Variants in CBX1 observed in about 807,000 individuals in gnomAD.
The protein encoded by CBX1 is chromobox 1.
Under a neutral mutation model 25.1 loss-of-function variants are expected in CBX1, and 10 were observed. The ratio of observed to expected loss-of-function variants is 0.40; its 90% CI spans 0.25 to 0.68. The LOEUF (loss-of-function observed/expected upper bound fraction) is 0.68. CBX1 is among the 30% of genes least tolerant of loss of function. CBX1 has a pLI of 0.40. For missense variants in CBX1, 106 were observed against 218.5 expected (o/e 0.49, Z 3.25); for synonymous variants, 63 against 79.4 (o/e 0.79, Z 1.10).
chr17:48,089,778 G>A lies in CBX1; in HGVS notation c.-38+11490C>T, dbSNP rs1318113211. Reference sequence around the variant, plus strand: ...GTGGAGGTTGTAGTGGGCCGAGATCGTGTCACTGCACTCTAGCCTGGGCAA... The same window carrying A: ...GTGGAGGTTGTAGTGGGCCGAGATCATGTCACTGCACTCTAGCCTGGGCAA... On this transcript the variant is annotated intron_variant, in intron 1 of 4. Coordinates refer to ENST00000225603, the MANE Select transcript of CBX1 (RefSeq NM_001127228.2). Among the ~76,000 whole-genome samples, 3 of 150,646 alleles carry A rather than the reference G, an allele frequency of 2.0e-5. No individual in the cohort carries two copies. In the East Asian group the frequency reaches 6.2e-4, roughly 31 times the overall value.
intron 1 of CBX1, among the ~76,000 whole-genome samples, chr17:48,082,229 G>C (rs946493345): frequency 1.3e-5 from 2 of 151,768 alleles, no homozygotes; most frequent in Admixed American, 1.3e-4. Context: ...GAGGCTGGGC[G>C]TGGTGGCTCA....
intron 1 of CBX1, among the ~76,000 whole-genome samples, chr17:48,096,148 G>C (rs1033231707): frequency 3.9e-5 from 6 of 152,218 alleles, no homozygotes; most frequent in African/African-American, 1.4e-4. Context: ...CATAGTGCTG[G>C]TATTATAGGC....
In CBX1 at chr17:48,071,363, G is replaced by C; in HGVS notation, c.*72C>G. 1 of 1,467,110 alleles carries C rather than the reference G, an allele frequency of 6.8e-7. No individual in the cohort carries two copies. Among genetic ancestry groups the C allele is most frequent in the Non-Finnish European group, 9.2e-7 (1 of 1,081,794 alleles). The allele number at this position is 1,467,110 out of a possible 1,614,324, so 90.9% of individuals were successfully genotyped here. ...TCTCAAGCCACCTCTATGGTGTCAA[G>C]ACAAGTAGAACTCCTTCCCTTCCCA... On this transcript the variant is annotated 3_prime_UTR_variant, in exon 5 of 5. Coordinates refer to ENST00000225603, the MANE Select transcript of CBX1 (RefSeq NM_001127228.2).
At chr17:48,098,590 C>T (rs530730288) in intron 1 of CBX1, among the ~76,000 whole-genome samples, 73 of 152,236 alleles carry the variant, frequency 4.8e-4, no homozygotes, top group African/African-American at 1.6e-3. Flanking sequence ...CTCTGCCTCC[C>T]GGGTTCAAAC....
rs1203033414 is a variant in CBX1, at chr17:48,070,668, A to G, written c.*767T>C. 6 of 152,646 alleles carry G rather than the reference A, an allele frequency of 3.9e-5. No individual in the cohort carries two copies. Among genetic ancestry groups the G allele is most frequent in the African/African-American group, 1.4e-4 (6 of 41,444 alleles). The allele number at this position is 152,646 out of a possible 1,614,324, so 9.5% of individuals were successfully genotyped here. Reference sequence around the variant, plus strand: ...CTGCTTGTACTGTATACTCTCCAATAAAAGACCTTCCCTCCTCGTCAATTT... The same window carrying G: ...CTGCTTGTACTGTATACTCTCCAATGAAAGACCTTCCCTCCTCGTCAATTT... On this transcript the variant is annotated 3_prime_UTR_variant, in exon 5 of 5. Transcript: ENST00000225603.
At chr17:48,076,359 TTTTA>T (rs1175195956) in intron 2 of CBX1, among the ~76,000 whole-genome samples, 181 bp from the exon 3 acceptor site, 26 of 152,226 alleles carry the variant, frequency 1.7e-4, no homozygotes, top group African/African-American at 5.5e-4. Context: ...GGCAAATGAC[TTTTA>T]TTTGTCAATT....
chr17:48,077,665 C>T (rs1005423387), intron 1 of CBX1, among the ~76,000 whole-genome samples: 1 of 151,740 alleles, frequency 6.6e-6, no homozygotes, highest in African/African-American at 2.4e-5. Context: ...TAAAAGGCTC[C>T]CAATACTCCT....
chr17:48,089,656 C>T (rs28417622), intron 1 of CBX1, among the ~76,000 whole-genome samples: 93,532 of 116,344 alleles, frequency 0.8, 37,796 homozygotes, highest in East Asian at 0.93. Flanking sequence ...AGAGCCCATC[C>T]CTACTAAAAA....
intron 1 of CBX1, among the ~76,000 whole-genome samples, chr17:48,089,186 C>T (rs1430399135): frequency 1.3e-5 from 2 of 148,998 alleles, no homozygotes; most frequent in Non-Finnish European, 3.0e-5. Flanking sequence ...CTGAAAGCTC[C>T]ACCTCCCAGG....
At chr17:48,099,368 T>G (rs2063394673) in intron 1 of CBX1, among the ~76,000 whole-genome samples, 1 of 152,138 alleles carries the variant, frequency 6.6e-6, no homozygotes, top group Non-Finnish European at 1.5e-5. Context: ...ACTCCCAAAG[T>G]GCTGGGATGA....
Position 48,076,976 on chromosome 17 carries a change from A to C in CBX1, c.29T>G (p.Val10Gly). 6.2e-7 allele frequency: 1 copy of C among 1,612,618 alleles called. No individual in the cohort carries two copies. Among genetic ancestry groups the C allele is most frequent in the Non-Finnish European group, 8.5e-7 (1 of 1,179,418 alleles). The part of the protein sequence containing the change: MGKKQNKKK[V>G]EEVLEEEEEE... ...TTCCTCCTCTTCTAGCACCTCCTCCACTTTCTTCTTGTTTTGTTTTTTCCC... is the reference window on the plus strand; with the variant it reads ...TTCCTCCTCTTCTAGCACCTCCTCCCCTTTCTTCTTGTTTTGTTTTTTCCC... The change falls in exon 2 of 5, where the codon GTG becomes GGG. Residue 10 changes from valine to glycine, a missense_variant. Physicochemically the swap from Val to Gly is moderately radical, Grantham distance 109 (BLOSUM62 -3). Coordinates refer to ENST00000225603, the MANE Select transcript of CBX1 (RefSeq NM_001127228.2).
intron 4 of CBX1, among the ~76,000 whole-genome samples, chr17:48,073,305 A>G (rs1199134947): frequency 6.6e-6 from 1 of 152,090 alleles, no homozygotes; most frequent in Admixed American, 6.6e-5. Flanking sequence ...GTAAGCTGAT[A>G]ATGTATGTTT....
chr17:48,076,980 T>C lies in CBX1; in HGVS notation c.25A>G (p.Lys9Glu). The C allele has an allele frequency of 6.2e-7, 1 of 1,613,496 alleles. No individual in the cohort carries two copies. The highest frequency in any genetic ancestry group is 8.5e-7 in the Non-Finnish European group (1 of 1,179,744). Residue 9 changes from lysine (K) to glutamate (E), a missense_variant, in exon 2 of 5, where the codon AAA becomes GAA. Coordinates refer to ENST00000225603, the MANE Select transcript of CBX1 (RefSeq NM_001127228.2). Reference protein sequence around the residue: MGKKQNKKKVEEVLEEEEE... With the variant: MGKKQNKKEVEEVLEEEEE... Reference sequence around the variant, plus strand: ...TCCTCTTCTAGCACCTCCTCCACTTTCTTCTTGTTTTGTTTTTTCCCCATA... The same window carrying C: ...TCCTCTTCTAGCACCTCCTCCACTTCCTTCTTGTTTTGTTTTTTCCCCATA...
At chr17:48,080,811 C>G (rs1476746417) in intron 1 of CBX1, among the ~76,000 whole-genome samples, 1 of 146,536 alleles carries the variant, frequency 6.8e-6, no homozygotes, top group African/African-American at 2.5e-5. Flanking sequence ...GTGCCAGCTA[C>G]TCGGGAGGCT....
chr17:48,085,192 C>G (rs780615999), intron 1 of CBX1, among the ~76,000 whole-genome samples: 1 of 152,074 alleles, frequency 6.6e-6, no homozygotes, highest in Non-Finnish European at 1.5e-5. Context: ...TTATACTTTA[C>G]AGTTTACAAA....
chr17:48,084,738 G>A lies in CBX1; in HGVS notation c.-37-7697C>T, dbSNP rs112309335. Among the ~76,000 whole-genome samples the A allele has an allele frequency of 2.0e-4, 30 of 149,380 alleles. 2 individuals carry two copies. The highest frequency in any genetic ancestry group is 4.6e-4 in the African/African-American group (18 of 39,106). ...ATCCTGGCTAACATGGTGAAACCCC[G>A]TCTCTACTAAATGTACAAAAAATTA... On this transcript the variant is annotated intron_variant, in intron 1 of 4. Coordinates refer to ENST00000225603, the MANE Select transcript of CBX1 (RefSeq NM_001127228.2).
intron 1 of CBX1, among the ~76,000 whole-genome samples, chr17:48,089,011 G>C (rs976378291): frequency 6.0e-5 from 9 of 151,086 alleles, no homozygotes; most frequent in Admixed American, 5.9e-4. Context: ...CCCAAAACTT[G>C]TTTATAGTAT....
rs2037673077 is a variant in CBX1, at chr17:48,076,188, G to C, written c.141-10C>G. 1 of 1,546,188 alleles carries C rather than the reference G, an allele frequency of 6.5e-7. No homozygotes were observed. Among genetic ancestry groups the C allele is most frequent in the Admixed American group, 1.8e-5 (1 of 56,390 alleles). ...CCATGTGTTGTCCTCACTGAAACCAGAGGGCACAGCAAGTCACACTTTCAC... is the reference window on the plus strand; with the variant it reads ...CCATGTGTTGTCCTCACTGAAACCACAGGGCACAGCAAGTCACACTTTCAC... On this transcript the variant is annotated splice_polypyrimidine_tract_variant and intron_variant, in intron 2 of 4. Coordinates refer to ENST00000225603, the MANE Select transcript of CBX1 (RefSeq NM_001127228.2).
chr17:48,082,410 G>C (rs1175189053), intron 1 of CBX1, among the ~76,000 whole-genome samples: 1 of 144,796 alleles, frequency 6.9e-6, no homozygotes, highest in Non-Finnish European at 1.5e-5. Context: ...GCTGAGGCAG[G>C]AGAATGGCGT....
Sources: gnomAD v4.1 joint callset for allele counts (sites outside exome capture counted in the v4.1 genomes callset) on GRCh38, gnomAD v4.1.1 for gene constraint, MANE v1.5 for transcripts, NCBI Gene and HGNC (gene_info 2026-07-23, HGNC 2026-07-21) for gene names.